The following SLC13A3 variants were observed in gnomAD, a reference collection of about 807,000 sequenced individuals.
SLC13A3 encodes the protein Na(+)/dicarboxylate cotransporter 3.
In SLC13A3, 40 loss-of-function variants were observed where a neutral mutation model predicts 59.0. The observed-to-expected ratio is 0.68, with a 90% CI of 0.53 to 0.88. The LOEUF is 0.88. Ranked by LOEUF, SLC13A3 falls within the 40% of genes least tolerant of loss-of-function variation. The pLI is 0.00. For missense variants in SLC13A3, 699 were observed against 783.2 expected, an observed-to-expected ratio of 0.89 and a Z score of 1.28; for synonymous variants, 317 against 330.3, an observed-to-expected ratio of 0.96 and a Z score of 0.44.
At chr20:46,566,774 G>C (rs2061984860) in intron 10 of SLC13A3, among the ~76,000 whole-genome samples, 1 of 150,874 alleles carries the variant, frequency 6.6e-6, no homozygotes, top group Admixed American at 6.6e-5. Flanking sequence ...AATCATAATA[G>C]TTACTTATAT....
chr20:46,636,266 A>G (rs6122514), intron 1 of SLC13A3, among the ~76,000 whole-genome samples: 14,097 of 152,090 alleles, frequency 0.093, 896 homozygotes, highest in East Asian at 0.21. Context: ...AATACTATAG[A>G]TCTTGCTTAT....
chr20:46,584,649 A>C, intron 8 of SLC13A3: 1 of 283,112 alleles, frequency 3.5e-6, no homozygotes, highest in Non-Finnish European at 5.3e-6. Flanking sequence ...GGAGAGTAAA[A>C]CTGGTGAGGG....
rs187787115 is a variant in SLC13A3 at position 46,608,375 on chromosome 20, C to T, written c.541+2071G>A. Among the ~76,000 whole-genome samples, 12 of 152,342 alleles carry T rather than the reference C, an allele frequency of 7.9e-5. 1 individual carries two copies. The highest frequency in any genetic ancestry group is 1.6e-4 in the Non-Finnish European group (11 of 68,044). On this transcript the variant is annotated intron_variant, in intron 3 of 12. Transcript: ENST00000279027. ...GGCTGCTTTCTCACTGCAAGGGCAG[C>T]GTTGAGTAGTTGCAACAGAGTGGCC... is the stretch of plus-strand genomic sequence containing the variant.
intron 9 of SLC13A3, among the ~76,000 whole-genome samples, chr20:46,582,159 G>A (rs2062145440): frequency 1.3e-5 from 2 of 152,236 alleles, no homozygotes; most frequent in African/African-American, 2.4e-5. Context: ...GTTTCACTCT[G>A]TCACCCAGGC....
chr20:46,675,890 AC>A (rs2063122106), intron 1 of SLC13A3: 1 of 151,992 alleles, frequency 6.6e-6, no homozygotes, highest in Admixed American at 6.5e-5. Flanking sequence ...AGGAGGGGGA[AC>A]GGAGAGTAGT....
upstream of SLC13A3, among the ~76,000 whole-genome samples, chr20:46,656,273 GTATATATTA>G (rs2062990112): frequency 1.3e-5 from 1 of 76,564 alleles, no homozygotes; most frequent in African/African-American, 3.4e-5. Context: ...AGACTGTACA[GTATATATTA>G]TACTGTATAT....
In SLC13A3 at chr20:46,587,965, T is replaced by C. The variant is rs2062210967; in HGVS notation, c.1121+94A>G. Reference sequence around the variant, plus strand: ...CAAAAGATGGAAACTTGGATGCGTGTCTCCCCAGCTGCACTGCCGCCTCTC... The same window carrying C: ...CAAAAGATGGAAACTTGGATGCGTGCCTCCCCAGCTGCACTGCCGCCTCTC... On this transcript the variant is annotated intron_variant, in intron 8 of 12. Transcript: ENST00000279027. 6 of 591,274 alleles carry C rather than the reference T, an allele frequency of 1.0e-5. No individual in the cohort carries two copies. In the Admixed American group the frequency reaches 1.0e-4, roughly 10 times the overall value. The allele number at this position is 591,274 out of a possible 1,614,324, so 36.6% of individuals were successfully genotyped here.
At position 46,603,888 on chromosome 20, in the gene SLC13A3, G is replaced by A. The variant is rs1341091736; in HGVS notation, c.542-3851C>T. On this transcript the variant is annotated intron_variant, in intron 3 of 12. Coordinates refer to ENST00000279027, the MANE Select transcript of SLC13A3 (RefSeq NM_022829.6). Reference sequence around the variant, plus strand: ...AGCTGGGTAGTCCCAGCTCTTGAGAGGCTGAGGTGGGAGGATTGCTTGATC... The same window carrying A: ...AGCTGGGTAGTCCCAGCTCTTGAGAAGCTGAGGTGGGAGGATTGCTTGATC... 2.0e-5 allele frequency among the ~76,000 whole-genome samples: 3 copies of A among 151,796 alleles called. No individual in the cohort carries two copies. The East Asian group carries it at 5.9e-4, about 30-fold the overall frequency.
At chr20:46,590,932 G>A (rs567250962) in intron 6 of SLC13A3, among the ~76,000 whole-genome samples, 6 of 151,810 alleles carry the variant, frequency 4.0e-5, no homozygotes, top group Admixed American at 1.3e-4. Flanking sequence ...TTGGGGGGCC[G>A]AGGTGGGTGG....
intron 6 of SLC13A3, among the ~76,000 whole-genome samples, chr20:46,591,219 G>A (rs1012282486): frequency 2.6e-5 from 4 of 151,822 alleles, no homozygotes; most frequent in Admixed American, 6.6e-5. Context: ...AATCTGTCAC[G>A]GAGGCCAGTC....
Position 46,563,501 on chromosome 20 carries a change from G to T in SLC13A3, c.1545C>A (p.Val515=), listed in dbSNP as rs560905872. 7.4e-6 allele frequency: 12 copies of T among 1,614,108 alleles called. No homozygotes were observed. The East Asian group carries it at 2.2e-4, about 30-fold the overall frequency. The change falls in exon 12 of 13, where the codon GTC becomes GTA. Residue 515 remains valine (V), a synonymous_variant. Transcript: ENST00000279027. ...GGAGCATGAAGGCAAAGGAGCAGCC[G>T]ACTGTGCCCGGAATCATCAGATACA... ...HPLYLMIPGT[V]GCSFAFMLPV...
chr20:46,679,680 G>A (rs2063144738), intron 1 of SLC13A3, among the ~76,000 whole-genome samples: 1 of 152,152 alleles, frequency 6.6e-6, no homozygotes, highest in African/African-American at 2.4e-5. Flanking sequence ...GGCCAAGGCA[G>A]GTGGATCATT....
At chr20:46,611,494 T>C (rs1190329971) in intron 2 of SLC13A3, among the ~76,000 whole-genome samples, 1 of 152,190 alleles carries the variant, frequency 6.6e-6, no homozygotes. Flanking sequence ...CCCACAGGAC[T>C]GGCAGCTCCT....
In SLC13A3 at chr20:46,559,913, T is replaced by G; in HGVS notation, c.*109A>C. On this transcript the variant is annotated 3_prime_UTR_variant, in exon 13 of 13. Coordinates refer to ENST00000279027, the MANE Select transcript of SLC13A3 (RefSeq NM_022829.6). ...CTGGAGGTCACCCTTGCTTGCTGCA[T>G]ATTGGATTACAGAAAAGAATTATTT... 8.7e-7 allele frequency: 1 copy of G among 1,145,400 alleles called. No individual in the cohort carries two copies. Among genetic ancestry groups the G allele is most frequent in the Non-Finnish European group, 1.3e-6 (1 of 794,760 alleles). 71.0% of individuals were successfully genotyped at this position (1,145,400 alleles called of 1,614,324 possible). A position where few individuals can be genotyped will look rare whatever the true frequency, so the allele number is the denominator to read the frequency against.
rs1397591562 is a variant in SLC13A3 at position 46,583,487 on chromosome 20, G to C, written c.1219+85C>G. On this transcript the variant is annotated intron_variant, in intron 9 of 12. Coordinates refer to ENST00000279027, the MANE Select transcript of SLC13A3 (RefSeq NM_022829.6). ...CAGGAAGGACCACGTGGTTAGTGCA[G>C]TGGGGGGCTCCAGGCCCTTGATGAC... 3.6e-5 allele frequency: 57 copies of C among 1,564,862 alleles called. No individual in the cohort carries two copies. The South Asian group carries it at 5.8e-4, about 16-fold the overall frequency.
intron 1 of SLC13A3, among the ~76,000 whole-genome samples, chr20:46,622,211 T>G (rs2062622724): frequency 6.6e-6 from 1 of 152,174 alleles, no homozygotes; most frequent in Admixed American, 6.5e-5. Context: ...GACTCTTTGC[T>G]GGCCACCATG....
intron 12 of SLC13A3, 137 bp downstream of exon 12, chr20:46,563,277 C>T (rs2061947073): frequency 5.0e-6 from 5 of 1,006,836 alleles, no homozygotes; most frequent in Non-Finnish European, 7.1e-6. Context: ...AATGTATGTT[C>T]CTGGTCCCAC....
chr20:46,607,437 T>C (rs1413646393), intron 3 of SLC13A3, among the ~76,000 whole-genome samples: 1 of 152,200 alleles, frequency 6.6e-6, no homozygotes, highest in East Asian at 1.9e-4. Context: ...TGAAAGGGAA[T>C]AGCTCTCTTT....
At chr20:46,614,835 G>T (rs2062539605) in intron 1 of SLC13A3, among the ~76,000 whole-genome samples, 1 of 152,166 alleles carries the variant, frequency 6.6e-6, no homozygotes, top group Non-Finnish European at 1.5e-5. Context: ...CTAAATATTA[G>T]ACCCAATGAA....
Sources: allele counts gnomAD v4.1 joint callset (sites outside exome capture counted in the v4.1 genomes callset), GRCh38; gene constraint gnomAD v4.1.1; transcripts MANE v1.5; gene names NCBI Gene and HGNC (gene_info 2026-07-23, HGNC 2026-07-21).